Variants in KLHL7 observed in about 807,000 individuals in gnomAD.
KLHL7 encodes the protein kelch like family member 7.
In KLHL7, 44 loss-of-function variants were observed where a neutral mutation model predicts 67.4. The ratio of observed to expected loss-of-function variants is 0.65; its 90% CI spans 0.51 to 0.84. The LOEUF is 0.84. Ranked by LOEUF, KLHL7 falls within the 40% of genes least tolerant of loss-of-function variation. KLHL7 has a pLI of 0.00. For missense variants in KLHL7, 362 were observed against 718.1 expected, an observed-to-expected ratio of 0.50 and a Z score of 5.67; for synonymous variants, 252 against 243.3, an observed-to-expected ratio of 1.04 and a Z score of -0.33.
At chr7:23,133,478 C>A (rs1783871611) in intron 4 of KLHL7, among the ~76,000 whole-genome samples, 1 of 151,990 alleles carries the variant, frequency 6.6e-6, no homozygotes, top group African/African-American at 2.4e-5. Context: ...GTCACCCAAG[C>A]TGGAATGCAG....
At chr7:23,142,275 T>C (rs965580227) in intron 5 of KLHL7, among the ~76,000 whole-genome samples, 16 of 152,178 alleles carry the variant, frequency 1.1e-4, no homozygotes, top group African/African-American at 3.9e-4. Context: ...CCACTAAGTT[T>C]GTGGTAATTT....
intron 4 of KLHL7, among the ~76,000 whole-genome samples, chr7:23,134,239 G>A (rs1012224353): frequency 2.6e-5 from 4 of 152,002 alleles, no homozygotes; most frequent in Non-Finnish European, 5.9e-5. Context: ...TTGTTGATAC[G>A]CTGTATCACA....
At chr7:23,118,259 C>T (rs893570688) in intron 1 of KLHL7, among the ~76,000 whole-genome samples, 1 of 152,238 alleles carries the variant, frequency 6.6e-6, no homozygotes. Flanking sequence ...GGCACTAAAG[C>T]AGCACCAAAG....
At position 23,174,584 on chromosome 7, in the gene KLHL7, T is replaced by C. The variant is rs1040965318; in HGVS notation, c.*286T>C. The C allele has an allele frequency of 1.7e-5, 9 of 535,162 alleles. No homozygotes were observed. Among genetic ancestry groups the C allele is most frequent in the African/African-American group, 3.8e-5 (2 of 53,162 alleles). 33.2% of individuals were successfully genotyped at this position (535,162 alleles called of 1,614,324 possible). The stretch of plus-strand genomic sequence containing the variant: ...TGAATGAATTTCACATTTGTAACTA[T>C]GATTTTGGCAGAATAGAAGATTGGC... On this transcript the variant is annotated 3_prime_UTR_variant, in exon 11 of 11. Coordinates refer to ENST00000339077, the MANE Select transcript of KLHL7 (RefSeq NM_001031710.3).
chr7:23,152,747 T>C (rs6965833), intron 7 of KLHL7, among the ~76,000 whole-genome samples: 67,309 of 151,960 alleles, frequency 0.44, 16,969 homozygotes, highest in African/African-American at 0.7. Context: ...GCTTGAGTCA[T>C]AGGTATAGGA....
intron 10 of KLHL7, 51 bp from the exon 11 acceptor site, chr7:23,173,961 CCTT>C: frequency 1.9e-6 from 3 of 1,545,078 alleles, no homozygotes; most frequent in Non-Finnish European, 2.7e-6. Flanking sequence ...CTTTAAGAAA[CCTT>C]AGAATTGTTG....
At chr7:23,157,051 G>A (rs1784728582) in intron 7 of KLHL7, among the ~76,000 whole-genome samples, 1 of 152,190 alleles carries the variant, frequency 6.6e-6, no homozygotes, top group Non-Finnish European at 1.5e-5. Flanking sequence ...CCCTAAGGAG[G>A]AAACAGTCCC....
rs201110437 is a variant in KLHL7 at position 23,140,588 on chromosome 7, AC to A, written c.443-179del. On this transcript the variant is annotated intron_variant, in intron 4 of 10. Coordinates refer to ENST00000339077, the MANE Select transcript of KLHL7 (RefSeq NM_001031710.3). ...CAAAAAAACAAAAAACAAAAAAAAA[AC>A]CAGTCTTTTATAAGACAGTATAGTA... The A allele has an allele frequency of 2.2e-5, 15 of 683,162 alleles. No individual in the cohort carries two copies. In the African/African-American group the frequency reaches 2.4e-4, roughly 11 times the overall value. The allele number at this position is 683,162 out of a possible 1,614,324, so 42.3% of individuals were successfully genotyped here.
chr7:23,156,221 A>G (rs1784701791), intron 7 of KLHL7: 2 of 198,734 alleles, frequency 1.0e-5, no homozygotes, highest in South Asian at 6.9e-5. Flanking sequence ...ATTTGTATTT[A>G]TTGATGACTA....
chr7:23,136,788 T>C (rs185610921), intron 4 of KLHL7, among the ~76,000 whole-genome samples: 21 of 152,324 alleles, frequency 1.4e-4, no homozygotes, highest in Admixed American at 1.2e-3. Flanking sequence ...GGTAAACTTA[T>C]AGGCTATATA....
At position 23,167,911 on chromosome 7, in the gene KLHL7, C is replaced by G; in HGVS notation, c.1253C>G (p.Thr418Ser). Residue 418 changes from threonine to serine, a missense_variant, in exon 9 of 11, where the codon ACC becomes AGC. Coordinates refer to ENST00000339077, the MANE Select transcript of KLHL7 (RefSeq NM_001031710.3). Reference sequence around the variant, plus strand: ...TGGCACACAAAGCCCAGCATGCTGACCCAGCGCTGCAGCCATGGGATGGTG... The same window carrying G: ...TGGCACACAAAGCCCAGCATGCTGAGCCAGCGCTGCAGCCATGGGATGGTG... ...ESWHTKPSML[T>S]QRCSHGMVEA... is the part of the protein sequence containing the mutation. The G allele has an allele frequency of 1.2e-6, 2 of 1,614,206 alleles. No individual in the cohort carries two copies. Among genetic ancestry groups the G allele is most frequent in the Non-Finnish European group, 1.7e-6 (2 of 1,180,034 alleles).
intron 7 of KLHL7, among the ~76,000 whole-genome samples, chr7:23,162,390 A>G (rs1369254986): frequency 3.9e-5 from 6 of 152,260 alleles, no homozygotes; most frequent in Admixed American, 3.9e-4. Context: ...GTACTCAATA[A>G]CTAATAAATT....
At chr7:23,167,075 C>T (rs1262079433) in intron 8 of KLHL7, among the ~76,000 whole-genome samples, 1 of 151,616 alleles carries the variant, frequency 6.6e-6, no homozygotes, top group Non-Finnish European at 1.5e-5. Flanking sequence ...TTGATATTAG[C>T]CCAGAATGGT....
Position 23,174,204 on chromosome 7 carries a change from T to C in KLHL7, c.1667T>C (p.Val556Ala). ...LEYNTETDKW[V>A]ANSKVRAFPV... The stretch of plus-strand genomic sequence containing the variant: ...TATAATACCGAAACAGACAAATGGG[T>C]TGCCAACTCCAAAGTTCGTGCTTTT... The change falls in exon 11 of 11, where the codon GTT becomes GCT. Residue 556 changes from valine (V) to alanine (A), a missense_variant. Around this residue, in one of 5 missense-constraint regions of KLHL7, gnomAD observed 136 missense variants for 252.7 expected, o/e 0.54. Coordinates refer to ENST00000339077, the MANE Select transcript of KLHL7 (RefSeq NM_001031710.3). The C allele has an allele frequency of 6.2e-7, 1 of 1,614,138 alleles. No homozygotes were observed. Among genetic ancestry groups the C allele is most frequent in the Non-Finnish European group, 8.5e-7 (1 of 1,180,012 alleles).
intron 4 of KLHL7, chr7:23,126,152 G>A (rs1783565648): frequency 4.9e-6 from 2 of 407,542 alleles, no homozygotes; most frequent in Non-Finnish European, 4.6e-6. Flanking sequence ...TCATAACCAG[G>A]ATGGTTTCTT....
intron 1 of KLHL7, among the ~76,000 whole-genome samples, chr7:23,110,866 C>G (rs1782841218): frequency 6.8e-6 from 1 of 147,824 alleles, no homozygotes; most frequent in Non-Finnish European, 1.5e-5. Flanking sequence ...ACATGCGGTT[C>G]ACTACATTTT....
At chr7:23,106,302 G>C in intron 1 of KLHL7, 156 bp downstream of exon 1, 1 of 1,497,588 alleles carries the variant, frequency 6.7e-7, no homozygotes, top group Non-Finnish European at 8.9e-7. Context: ...TTCCGCAGTT[G>C]GTAGAGGGGC....
rs539363377 is a variant in KLHL7, at chr7:23,111,747, G to A, written c.120+5601G>A. 3.2e-4 allele frequency among the ~76,000 whole-genome samples: 48 copies of A among 150,532 alleles called. 1 individual carries two copies. In the South Asian group the frequency reaches 7.8e-3, roughly 24 times the overall value. On this transcript the variant is annotated intron_variant, in intron 1 of 10. Coordinates refer to ENST00000339077, the MANE Select transcript of KLHL7 (RefSeq NM_001031710.3). The stretch of plus-strand genomic sequence containing the variant: ...TGAGGCAGGAGAATTGGTTGAACCC[G>A]GGAGGCAGAGGTTGTGGTGAGCCAA...
intron 9 of KLHL7, 50 bp downstream of exon 9, chr7:23,168,087 T>A: frequency 6.5e-7 from 1 of 1,542,360 alleles, no homozygotes; most frequent in Non-Finnish European, 9.0e-7. Context: ...TTCTATAAGC[T>A]CTGTAGGAGA....
Sources: gnomAD v4.1 joint callset for allele counts (sites outside exome capture counted in the v4.1 genomes callset) on GRCh38, gnomAD v4.1.1 for gene constraint, gnomAD v4.1.1 regional missense constraint, MANE v1.5 for transcripts, NCBI Gene and HGNC (gene_info 2026-07-23, HGNC 2026-07-21) for gene names.